The following UBE4B variants were observed in gnomAD, a reference collection of about 807,000 sequenced individuals.
The protein encoded by UBE4B is ubiquitin conjugation factor E4 B.
In UBE4B, 27 loss-of-function variants were observed where a neutral mutation model predicts 148.1. The ratio of observed to expected loss-of-function variants is 0.18; its 90% CI spans 0.13 to 0.25. The LOEUF (loss-of-function observed/expected upper bound fraction) is 0.25, where lower values mean the gene tolerates loss of function less well. UBE4B is among the 10% of genes least tolerant of loss of function. The pLI, the probability that UBE4B is intolerant of heterozygous loss-of-function variation, is 1.00. For synonymous variants in UBE4B, 596 were observed against 619.3 expected (o/e 0.96, Z 0.56); for missense variants, 1,170 against 1,662.4 (o/e 0.70, Z 5.15).
chr1:10,074,018 A>C (rs1644535723), intron 2 of UBE4B, among the ~76,000 whole-genome samples: 5 of 145,836 alleles, frequency 3.4e-5, no homozygotes, highest in Admixed American at 1.4e-4. Context: ...AGTGCACTAC[A>C]GCTTAAAACT....
At chr1:10,147,408 G>A (rs1440166757) in intron 19 of UBE4B, among the ~76,000 whole-genome samples, 3 of 152,080 alleles carry the variant, frequency 2.0e-5, no homozygotes, top group African/African-American at 7.2e-5. Flanking sequence ...CATGAGAATC[G>A]TTTGAACCCG....
chr1:10,087,943 C>T (rs923425287), intron 2 of UBE4B, among the ~76,000 whole-genome samples: 5 of 152,176 alleles, frequency 3.3e-5, no homozygotes, highest in African/African-American at 1.2e-4. Context: ...AGTATGAACT[C>T]ACACACATTT....
chr1:10,139,511 T>C (rs1178427676), intron 17 of UBE4B, among the ~76,000 whole-genome samples: 1 of 152,186 alleles, frequency 6.6e-6, no homozygotes. Flanking sequence ...AATTCAGTGA[T>C]GAAGTTGTCA....
chr1:10,177,078 C>T (rs988336830), intron 25 of UBE4B, among the ~76,000 whole-genome samples: 6 of 151,760 alleles, frequency 4.0e-5, no homozygotes, highest in East Asian at 2.0e-4. Context: ...TGAGCCACCG[C>T]GCCCAACCAG....
intron 25 of UBE4B, among the ~76,000 whole-genome samples, chr1:10,174,892 G>A (rs1426570779): frequency 6.6e-6 from 1 of 152,038 alleles, no homozygotes. Context: ...CAAGCACTGG[G>A]GAAGAGGTTG....
intron 7 of UBE4B, among the ~76,000 whole-genome samples, chr1:10,107,959 T>C (rs1045623946): frequency 6.6e-6 from 1 of 152,162 alleles, no homozygotes; most frequent in Non-Finnish European, 1.5e-5. Context: ...GAAAACAGAT[T>C]AAAGATCAGT....
At chr1:10,129,619 A>G (rs1307392600) in intron 12 of UBE4B, among the ~76,000 whole-genome samples, 171 bp downstream of exon 12, 1 of 152,144 alleles carries the variant, frequency 6.6e-6, no homozygotes, top group Non-Finnish European at 1.5e-5. Context: ...GACACGTTAT[A>G]TCCTGCATTA....
rs1176886311 is a variant in UBE4B, at chr1:10,055,918, C to CA, written c.25-16103dup. Among the ~76,000 whole-genome samples the CA allele has an allele frequency of 6.6e-5, 10 of 151,514 alleles. No homozygotes were observed. The East Asian group carries it at 1.9e-3, about 29-fold the overall frequency. On this transcript the variant is annotated intron_variant, in intron 1 of 27. Coordinates refer to ENST00000343090, the MANE Select transcript of UBE4B (RefSeq NM_001105562.3). ...TGGATGACAGAGTAAGACTCTGTCT[C>CA]AAAAAAACAAAACAAAACAAAACAA... is the stretch of plus-strand genomic sequence containing the variant.
In UBE4B at chr1:10,094,651, G is replaced by A. The variant is rs1043116301; in HGVS notation, c.212-810G>A. On this transcript the variant is annotated intron_variant, in intron 2 of 27. Transcript: ENST00000343090. ...GGGTTTCACCATGTTAGCCAGGATG[G>A]TCTCAATCTCCTGACCTTGTGATTC... is the stretch of plus-strand genomic sequence containing the variant. Among the ~76,000 whole-genome samples, 8 of 151,794 alleles carry A rather than the reference G, an allele frequency of 5.3e-5. No individual in the cohort carries two copies. In the South Asian group the frequency reaches 6.2e-4, roughly 12 times the overall value.
intron 7 of UBE4B, among the ~76,000 whole-genome samples, chr1:10,108,650 G>A (rs899737029): frequency 4.6e-5 from 7 of 152,138 alleles, no homozygotes; most frequent in Non-Finnish European, 1.0e-4. Flanking sequence ...CATTCAATTC[G>A]ATGGTGTTCA....
At chr1:10,162,004 T>C (rs1037528825) in intron 23 of UBE4B, among the ~76,000 whole-genome samples, 8 of 146,430 alleles carry the variant, frequency 5.5e-5, no homozygotes, top group Non-Finnish European at 9.3e-5. Context: ...TTTTTCTTTT[T>C]TTTTTTTTTT....
At chr1:10,061,664 C>T (rs1018392195) in intron 1 of UBE4B, among the ~76,000 whole-genome samples, 1 of 152,072 alleles carries the variant, frequency 6.6e-6, no homozygotes, top group African/African-American at 2.4e-5. Context: ...TGAAGGTCCT[C>T]CTGGCCTTCA....
chr1:10,154,472 A>G (rs186551277), intron 21 of UBE4B, among the ~76,000 whole-genome samples: 6 of 152,312 alleles, frequency 3.9e-5, no homozygotes, highest in Non-Finnish European at 2.9e-5. Flanking sequence ...AATTTATTCA[A>G]TGGAAATAAT....
intron 3 of UBE4B, among the ~76,000 whole-genome samples, chr1:10,097,052 A>AAAT (rs1553143704): frequency 1.1e-3 from 157 of 138,328 alleles, no homozygotes; most frequent in Admixed American, 1.3e-3. Flanking sequence ...AAAAAAAAAA[A>AAAT]AATAATAATA....
Position 10,172,430 on chromosome 1 carries a change from T to C in UBE4B, c.3525+1101T>C, listed in dbSNP as rs371399268. 4.9e-4 allele frequency among the ~76,000 whole-genome samples: 74 copies of C among 152,328 alleles called. 2 individuals are homozygous for C. In the East Asian group the frequency reaches 6.6e-3, roughly 14 times the overall value. On this transcript the variant is annotated intron_variant, in intron 25 of 27. Coordinates refer to ENST00000343090, the MANE Select transcript of UBE4B (RefSeq NM_001105562.3). The stretch of plus-strand genomic sequence containing the variant: ...AGGAAAGAGGCACAGAGAGGTTAAA[T>C]AGCTTGCTCGAGGTCACAGAGTTAG...
chr1:10,174,702 CA>C (rs1024868484), intron 25 of UBE4B, among the ~76,000 whole-genome samples: 486 of 80,144 alleles, frequency 6.1e-3, no homozygotes, highest in African/African-American at 7.6e-3. Flanking sequence ...AACTCCGTCT[CA>C]AAAAAAAAAA....
chr1:10,103,803 T>C (rs533098186), intron 5 of UBE4B, among the ~76,000 whole-genome samples: 7 of 152,144 alleles, frequency 4.6e-5, no homozygotes, highest in Non-Finnish European at 7.4e-5. Context: ...AATTCTTGTA[T>C]TTTTAGTAGA....
chr1:10,150,557 T>C (rs1645953059), intron 20 of UBE4B, among the ~76,000 whole-genome samples: 2 of 152,246 alleles, frequency 1.3e-5, no homozygotes, highest in Non-Finnish European at 2.9e-5. Context: ...ATCTGTCTTG[T>C]TACAGTGTGA....
At chr1:10,134,447 G>C (rs1175622748) in intron 15 of UBE4B, among the ~76,000 whole-genome samples, 2 of 152,124 alleles carry the variant, frequency 1.3e-5, no homozygotes, top group Non-Finnish European at 2.9e-5. Flanking sequence ...GGGAGGCGGA[G>C]GTTGTAGTGA....
Sources: gnomAD v4.1 joint callset for allele counts (sites outside exome capture counted in the v4.1 genomes callset) on GRCh38, gnomAD v4.1.1 for gene constraint, MANE v1.5 for transcripts, NCBI Gene and HGNC (gene_info 2026-07-23, HGNC 2026-07-21) for gene names.